Variants in ASIC2 observed in about 807,000 individuals in gnomAD.
ASIC2 encodes the protein acid-sensing ion channel 2.
In ASIC2, 25 loss-of-function variants were observed where a neutral mutation model predicts 57.3. The observed-to-expected ratio is 0.44, with a 90% CI of 0.32 to 0.61. The LOEUF is 0.61. ASIC2 is among the 20% of genes least tolerant of loss of function. The probability of loss-of-function intolerance (pLI) is 0.06; values close to 1 mark genes in which losing one functional copy is unlikely to be tolerated. For synonymous variants in ASIC2, 319 were observed against 307.5 expected, an observed-to-expected ratio of 1.04 and a Z score of -0.39; for missense variants, 641 against 738.1, an observed-to-expected ratio of 0.87 and a Z score of 1.52.
intron 1 of ASIC2, among the ~76,000 whole-genome samples, chr17:33,923,389 T>C (rs1055477346): frequency 6.6e-6 from 1 of 152,162 alleles, no homozygotes; most frequent in African/African-American, 2.4e-5. Context: ...TGGAAGAAAC[T>C]TTATTCATCA....
intron 1 of ASIC2, among the ~76,000 whole-genome samples, chr17:33,766,951 G>C (rs1481320967): frequency 1.3e-5 from 2 of 152,214 alleles, no homozygotes; most frequent in African/African-American, 4.8e-5. Context: ...ACAAAAATAT[G>C]TGGCAGCCCA....
intron 1 of ASIC2, among the ~76,000 whole-genome samples, chr17:33,966,008 G>T (rs1361721406): frequency 6.6e-6 from 1 of 152,194 alleles, no homozygotes; most frequent in Admixed American, 6.5e-5. Context: ...GCCTGCCAAG[G>T]CCTTCACTAT....
chr17:33,366,201 A>C (rs954903196), intron 1 of ASIC2, among the ~76,000 whole-genome samples: 2 of 152,248 alleles, frequency 1.3e-5, no homozygotes, highest in Non-Finnish European at 2.9e-5. Context: ...CTTAGAGATG[A>C]TCTTAGTAAC....
At chr17:33,174,545 G>A (rs1431867579) in intron 1 of ASIC2, among the ~76,000 whole-genome samples, 1 of 152,130 alleles carries the variant, frequency 6.6e-6, no homozygotes, top group Non-Finnish European at 1.5e-5. Flanking sequence ...CTTGGTTTTG[G>A]CCTTTGCGGA....
intron 1 of ASIC2, among the ~76,000 whole-genome samples, chr17:33,401,386 G>A (rs186606028): frequency 1.3e-5 from 2 of 152,172 alleles, no homozygotes; most frequent in East Asian, 1.9e-4. Context: ...CCATTGTAGT[G>A]TTAACCTCTT....
At chr17:33,262,182 C>T (rs1909310989) in intron 1 of ASIC2, among the ~76,000 whole-genome samples, 1 of 152,214 alleles carries the variant, frequency 6.6e-6, no homozygotes, top group African/African-American at 2.4e-5. Context: ...CCACCTGTCC[C>T]TGGAAACAGG....
At chr17:33,838,684 C>T (rs551945432) in intron 1 of ASIC2, among the ~76,000 whole-genome samples, 4 of 152,224 alleles carry the variant, frequency 2.6e-5, no homozygotes, top group South Asian at 4.2e-4. Context: ...AACTGGAGTG[C>T]TAGCAGCATG....
At chr17:33,436,600 C>A (rs1210339277) in intron 1 of ASIC2, among the ~76,000 whole-genome samples, 2 of 152,240 alleles carry the variant, frequency 1.3e-5, no homozygotes, top group African/African-American at 4.8e-5. Context: ...CATTTCCTAG[C>A]CCTCTGTCCA....
At chr17:33,384,659 A>T (rs548885918) in intron 1 of ASIC2, among the ~76,000 whole-genome samples, 1 of 152,096 alleles carries the variant, frequency 6.6e-6, no homozygotes, top group East Asian at 1.9e-4. Flanking sequence ...AGGGCGGATT[A>T]TTGACCTTGG....
intron 1 of ASIC2, among the ~76,000 whole-genome samples, chr17:34,130,429 C>A (rs986040036): frequency 2.0e-5 from 3 of 152,312 alleles, no homozygotes; most frequent in East Asian, 1.9e-4. Flanking sequence ...CTCAAAGGAG[C>A]CTGGAGAACA....
chr17:33,464,496 C>A (rs1331653213), intron 1 of ASIC2, among the ~76,000 whole-genome samples: 3 of 38,426 alleles, frequency 7.8e-5, no homozygotes, highest in African/African-American at 2.6e-4. Context: ...TTCTTTCTTT[C>A]TTTCTTTCTT....
Position 34,033,997 on chromosome 17 carries a change from C to T in ASIC2, c.555+121981G>A, listed in dbSNP as rs181397505. Among the ~76,000 whole-genome samples, 295 of 152,292 alleles carry T rather than the reference C, an allele frequency of 1.9e-3. 1 individual carries two copies. The highest frequency in any genetic ancestry group is 3.3e-3 in the Non-Finnish European group (226 of 68,026). ...ATCAATAGTAAAAGAGGGAATCCTC[C>T]CTAACTCATTTTATGAGGCCAGCAT... On this transcript the variant is annotated intron_variant, in intron 1 of 9. Transcript: ENST00000359872.
chr17:33,641,875 G>A (rs768937007), intron 1 of ASIC2, among the ~76,000 whole-genome samples: 3 of 152,120 alleles, frequency 2.0e-5, no homozygotes, highest in Non-Finnish European at 4.4e-5. Flanking sequence ...TGCATAATGG[G>A]CATATTAACA....
intron 1 of ASIC2, among the ~76,000 whole-genome samples, chr17:33,446,976 A>G (rs751958752): frequency 2.0e-5 from 3 of 152,226 alleles, no homozygotes; most frequent in Non-Finnish European, 4.4e-5. Context: ...AAAGTGTTTT[A>G]TAAACTGAAC....
intron 1 of ASIC2, among the ~76,000 whole-genome samples, chr17:33,491,163 A>G (rs925364191): frequency 6.6e-6 from 1 of 152,044 alleles, no homozygotes; most frequent in Admixed American, 6.6e-5. Context: ...CATATCTCTC[A>G]TTTGCAATTC....
chr17:33,776,594 C>T (rs953415125), intron 1 of ASIC2, among the ~76,000 whole-genome samples: 12 of 152,170 alleles, frequency 7.9e-5, no homozygotes, highest in African/African-American at 1.9e-4. Context: ...TGGAACTCCT[C>T]GCTGTCACCC....
chr17:33,223,877 C>G (rs911946725), intron 1 of ASIC2, among the ~76,000 whole-genome samples: 1 of 152,148 alleles, frequency 6.6e-6, no homozygotes, highest in African/African-American at 2.4e-5. Context: ...AGAGTAGAGA[C>G]CTAGACTCTG....
At chr17:33,411,259 T>C (rs1427056828) in intron 1 of ASIC2, among the ~76,000 whole-genome samples, 4 of 152,150 alleles carry the variant, frequency 2.6e-5, no homozygotes. Context: ...TTTTCTACCC[T>C]ATTGTTTTGA....
chr17:33,101,338 T>A (rs1434638958), intron 2 of ASIC2, among the ~76,000 whole-genome samples: 1 of 152,232 alleles, frequency 6.6e-6, no homozygotes, highest in Non-Finnish European at 1.5e-5. Flanking sequence ...TAAATTTAAT[T>A]ATTATTTTTA....
Sources: gnomAD v4.1 joint callset for allele counts (sites outside exome capture counted in the v4.1 genomes callset) on GRCh38, gnomAD v4.1.1 for gene constraint, MANE v1.5 for transcripts, NCBI Gene and HGNC (gene_info 2026-07-23, HGNC 2026-07-21) for gene names.